Variants in NSFL1C observed in about 807,000 individuals in gnomAD.
NSFL1C encodes the protein NSFL1 cofactor, also known as NSFL1 cofactor p47.
In NSFL1C, 14 loss-of-function variants were observed where a neutral mutation model predicts 43.1. That is an observed-to-expected ratio of 0.32 (90% CI 0.21 to 0.51). The LOEUF (loss-of-function observed/expected upper bound fraction) is 0.51. Among genes scored for constraint, NSFL1C ranks in the 20% least tolerant of loss-of-function variants. NSFL1C has a pLI of 0.98. For missense variants in NSFL1C, 406 were observed against 472.5 expected (o/e 0.86, Z 1.30); for synonymous variants, 171 against 183.5 (o/e 0.93, Z 0.55).
chr20:1,457,100 G>A (rs1361753667), intron 3 of NSFL1C: 2 of 152,036 alleles, frequency 1.3e-5, no homozygotes, highest in Non-Finnish European at 2.9e-5. Flanking sequence ...TTATTATAAT[G>A]TTCTAAAGGT....
At position 1,445,710 on chromosome 20, in the gene NSFL1C, A is replaced by C; in HGVS notation, c.906T>G (p.Leu302=). 6.2e-7 allele frequency: 1 copy of C among 1,613,840 alleles called. No homozygotes were observed. Among genetic ancestry groups the C allele is most frequent in the Non-Finnish European group, 8.5e-7 (1 of 1,180,006 alleles). Reference sequence around the variant, plus strand: ...TCTGCACCAGCCTCCCGCCGTCTGCAAGCCGAATTTGGATGTTTGTGGTAG... The same window carrying C: ...TCTGCACCAGCCTCCCGCCGTCTGCCAGCCGAATTTGGATGTTTGTGGTAG... ...SEPTTNIQIR[L]ADGGRLVQKF... The change falls in exon 8 of 9, where the codon CTT becomes CTG. Residue 302 remains leucine, a synonymous_variant. Coordinates refer to ENST00000216879, the MANE Select transcript of NSFL1C (RefSeq NM_016143.5).
Position 1,453,485 on chromosome 20 carries a change from T to C in NSFL1C, c.538-345A>G, listed in dbSNP as rs150901465. Among the ~76,000 whole-genome samples the C allele has an allele frequency of 6.8e-4, 104 of 152,302 alleles. 1 individual carries two copies. The East Asian group carries it at 0.019, about 28-fold the overall frequency. On this transcript the variant is annotated intron_variant, in intron 5 of 8. Transcript: ENST00000216879. ...CCGTGAGTGTCCGACTAAACTACCA[T>C]GGCAAATCTTGCTCATGGACTATTC...
intron 1 of NSFL1C, among the ~76,000 whole-genome samples, chr20:1,465,756 T>C (rs568231178): frequency 6.6e-6 from 1 of 152,322 alleles, no homozygotes; most frequent in South Asian, 2.1e-4. Context: ...TGTAAAGTGC[T>C]TGGCACATGG....
rs1568620278 is a variant in NSFL1C, at chr20:1,453,086, G to A, written c.592C>T (p.Leu198Phe). The A allele has an allele frequency of 1.2e-6, 2 of 1,613,588 alleles. No homozygotes were observed. The highest frequency in any genetic ancestry group is 1.7e-6 in the Non-Finnish European group (2 of 1,179,550). Residue 198 changes from leucine (L) to phenylalanine (F), a missense_variant, in exon 6 of 9, where the codon CTC becomes TTC. Around this residue, in one of 3 missense-constraint regions of NSFL1C, gnomAD observed 196 missense variants for 228.0 expected, o/e 0.86. Transcript: ENST00000216879. Reference protein sequence around the residue: ...KSGFSLDNGELRSYQDPSNAQ... With the variant: ...KSGFSLDNGEFRSYQDPSNAQ... ...TTGGATGGGTCTTGGTAGCTTCTGA[G>A]TTCTCCATTATCCAGGCTGAATCCA...
intron 2 of NSFL1C, among the ~76,000 whole-genome samples, chr20:1,462,341 T>C (rs888930162): frequency 6.6e-6 from 1 of 152,160 alleles, no homozygotes; most frequent in African/African-American, 2.4e-5. Flanking sequence ...GGACAAACCA[T>C]GCAACACACT....
chr20:1,448,927 T>C (rs892632110), intron 7 of NSFL1C, among the ~76,000 whole-genome samples: 3 of 152,172 alleles, frequency 2.0e-5, no homozygotes, highest in African/African-American at 7.2e-5. Flanking sequence ...CAAGACCCAG[T>C]TTCCTCATCA....
intron 7 of NSFL1C, 171 bp from the exon 8 acceptor site, chr20:1,446,001 A>G (rs2090051867): frequency 6.1e-6 from 4 of 661,154 alleles, no homozygotes; most frequent in Middle Eastern, 5.0e-4. Context: ...TTACAGGTCC[A>G]GCAGAATTCA....
chr20:1,459,312 T>G (rs1459710211), intron 2 of NSFL1C, among the ~76,000 whole-genome samples: 1 of 152,132 alleles, frequency 6.6e-6, no homozygotes, highest in Admixed American at 6.5e-5. Context: ...GTCTGGCACT[T>G]CCCCCTTCAC....
intron 7 of NSFL1C, among the ~76,000 whole-genome samples, chr20:1,446,828 C>T (rs1358948453): frequency 6.6e-6 from 1 of 150,536 alleles, no homozygotes; most frequent in Non-Finnish European, 1.5e-5. Flanking sequence ...GCATTTGCTT[C>T]CCCTCAAAGC....
At chr20:1,459,952 C>T (rs2090377412) in intron 2 of NSFL1C, among the ~76,000 whole-genome samples, 1 of 152,220 alleles carries the variant, frequency 6.6e-6, no homozygotes, top group African/African-American at 2.4e-5. Flanking sequence ...CTTGCTTGGG[C>T]AAATCACTTG....
intron 1 of NSFL1C, 149 bp downstream of exon 1, chr20:1,466,571 T>G: frequency 1.5e-6 from 1 of 679,932 alleles, no homozygotes; most frequent in Non-Finnish European, 2.3e-6. Context: ...AGGCGACGCG[T>G]GACAAGCGGT....
intron 7 of NSFL1C, among the ~76,000 whole-genome samples, chr20:1,446,351 A>C (rs1408142822): frequency 6.6e-6 from 1 of 152,150 alleles, no homozygotes; most frequent in Non-Finnish European, 1.5e-5. Flanking sequence ...TGCATTACCT[A>C]GTGCACCTCA....
At chr20:1,457,420 T>C (rs2090324405) in intron 3 of NSFL1C, among the ~76,000 whole-genome samples, 1 of 152,226 alleles carries the variant, frequency 6.6e-6, no homozygotes, top group Admixed American at 6.5e-5. Flanking sequence ...TCACCTCAAA[T>C]ACTCAAAATT....
In NSFL1C at chr20:1,453,153, G is replaced by A; in HGVS notation, c.538-13C>T. On this transcript the variant is annotated splice_polypyrimidine_tract_variant and intron_variant, in intron 5 of 8. Coordinates refer to ENST00000216879, the MANE Select transcript of NSFL1C (RefSeq NM_016143.5). ...ATACTACATGAACCTGTGATGACAG[G>A]GAGTAAACAGTTACCAGGGATCTGG... 1 of 1,427,000 alleles carries A rather than the reference G, an allele frequency of 7.0e-7. No individual in the cohort carries two copies. The highest frequency in any genetic ancestry group is 9.9e-7 in the Non-Finnish European group (1 of 1,010,082). 88.4% of individuals were successfully genotyped at this position (1,427,000 alleles called of 1,614,324 possible).
chr20:1,452,778 C>A, intron 6 of NSFL1C, 148 bp from the exon 7 acceptor site: 1 of 1,001,306 alleles, frequency 1.0e-6, no homozygotes, highest in Non-Finnish European at 1.5e-6. Flanking sequence ...TACCTGTCTG[C>A]CTCCACCTTT....
At chr20:1,445,520 G>A in intron 8 of NSFL1C, 146 bp downstream of exon 8, 2 of 894,996 alleles carry the variant, frequency 2.2e-6, no homozygotes, top group Admixed American at 4.9e-5. Flanking sequence ...CAGACTTGTA[G>A]TCCTTACCAC....
At chr20:1,450,729 A>G (rs2090165366) in intron 7 of NSFL1C, among the ~76,000 whole-genome samples, 1 of 152,226 alleles carries the variant, frequency 6.6e-6, no homozygotes, top group Admixed American at 6.5e-5. Flanking sequence ...AACAATAATC[A>G]TATGTCTAGC....
chr20:1,455,999 C>T, intron 3 of NSFL1C: 1 of 482,580 alleles, frequency 2.1e-6, no homozygotes, highest in Non-Finnish European at 3.8e-6. Context: ...TTATATGGGC[C>T]TGAAAACCAG....
At chr20:1,459,124 T>C (rs2090360847) in intron 2 of NSFL1C, among the ~76,000 whole-genome samples, 1 of 152,210 alleles carries the variant, frequency 6.6e-6, no homozygotes, top group Non-Finnish European at 1.5e-5. Flanking sequence ...AAAAAGCAGC[T>C]TCCATATAAT....
Sources: allele counts gnomAD v4.1 joint callset (sites outside exome capture counted in the v4.1 genomes callset), GRCh38; gene constraint gnomAD v4.1.1; regional missense constraint gnomAD v4.1.1; transcripts MANE v1.5; gene names NCBI Gene and HGNC (gene_info 2026-07-23, HGNC 2026-07-21).